Variants in ZNF804B observed in about 807,000 individuals in gnomAD.
ZNF804B encodes zinc finger 804B.
In ZNF804B, 80 loss-of-function variants were observed where a neutral mutation model predicts 101.4. The ratio of observed to expected loss-of-function variants is 0.79; its 90% CI spans 0.66 to 0.95. The LOEUF is 0.95. Among genes scored for constraint, ZNF804B ranks in the 40% least tolerant of loss-of-function variants. The pLI is 0.00. For missense variants in ZNF804B, 1,673 were observed against 1,561.9 expected (o/e 1.07, Z -1.20); for synonymous variants, 622 against 558.8 (o/e 1.11, Z -1.59).
At chr7:88,896,308 A>T (rs370917189) in intron 1 of ZNF804B, among the ~76,000 whole-genome samples, 20 of 152,308 alleles carry the variant, frequency 1.3e-4, no homozygotes, top group African/African-American at 4.6e-4. Flanking sequence ...ATATGGAAAA[A>T]TGGGTGAGAA....
intron 1 of ZNF804B, among the ~76,000 whole-genome samples, chr7:88,883,537 T>C (rs939730981): frequency 1.3e-5 from 2 of 152,044 alleles, no homozygotes; most frequent in Non-Finnish European, 2.9e-5. Flanking sequence ...CTAGCTTAAG[T>C]GGAGGTGACC....
Position 88,794,357 on chromosome 7 carries a change from G to A in ZNF804B, c.108+34273G>A, listed in dbSNP as rs760951078. 5 of 1,613,860 alleles carry A rather than the reference G, an allele frequency of 3.1e-6. No homozygotes were observed. In the East Asian group the frequency reaches 1.1e-4, roughly 36 times the overall value. ...GCAACTTGGTGTAAGTTATCGCCTG[G>A]TCCTTTAGTGCCTACTTTCATAGTC... On this transcript the variant is annotated intron_variant, in intron 1 of 3. Coordinates refer to ENST00000333190, the MANE Select transcript of ZNF804B (RefSeq NM_181646.5).
In ZNF804B at chr7:89,335,270, T is replaced by C; in HGVS notation, c.2288T>C (p.Phe763Ser). ...HKRKCLKHNC[F>S]YLSDDITKSS... ...CGGAAATGTCTAAAGCACAACTGCT[T>C]CTACTTGTCTGATGATATAACAAAG... The change falls in exon 4 of 4, where the codon TTC becomes TCC. Residue 763 changes from phenylalanine to serine, a missense_variant. By Grantham distance (155) the Phe-to-Ser change is radical. Transcript: ENST00000333190. 6.2e-7 allele frequency: 1 copy of C among 1,613,782 alleles called. No homozygotes were observed. The highest frequency in any genetic ancestry group is 8.5e-7 in the Non-Finnish European group (1 of 1,179,946).
At chr7:88,815,109 T>C (rs1790854921) in intron 1 of ZNF804B, among the ~76,000 whole-genome samples, 1 of 148,578 alleles carries the variant, frequency 6.7e-6, no homozygotes. Context: ...ATGTATATTC[T>C]CACATATATG....
intron 2 of ZNF804B, among the ~76,000 whole-genome samples, chr7:89,297,127 C>T (rs769781458): frequency 1.3e-5 from 2 of 151,972 alleles, no homozygotes; most frequent in Non-Finnish European, 2.9e-5. Flanking sequence ...TGTGTTCTGC[C>T]TGACCAGGTC....
chr7:88,830,464 G>T (rs1791115166), intron 1 of ZNF804B, among the ~76,000 whole-genome samples: 1 of 151,410 alleles, frequency 6.6e-6, no homozygotes, highest in Non-Finnish European at 1.5e-5. Flanking sequence ...CAACATATTG[G>T]GCTCCTATAT....
Position 89,220,161 on chromosome 7 carries a change from A to C in ZNF804B, c.249+1866A>C, listed in dbSNP as rs77885996. On this transcript the variant is annotated intron_variant, in intron 2 of 3. Coordinates refer to ENST00000333190, the MANE Select transcript of ZNF804B (RefSeq NM_181646.5). ...TATGTGTGTATATACATATATATAT[A>C]CGCACATATATATGTGTGTATATAT... Among the ~76,000 whole-genome samples the C allele has an allele frequency of 4.7e-4, 34 of 72,688 alleles. 8 individuals are homozygous for C. The highest frequency in any genetic ancestry group is 1.7e-3 in the African/African-American group (31 of 18,394). 47.7% of individuals were successfully genotyped at this position (72,688 alleles called of 152,430 possible).
At chr7:89,262,395 C>A (rs936217094) in intron 2 of ZNF804B, among the ~76,000 whole-genome samples, 3 of 152,078 alleles carry the variant, frequency 2.0e-5, no homozygotes, top group Non-Finnish European at 2.9e-5. Flanking sequence ...AGCCTCAGGT[C>A]CAATTCCTGG....
At chr7:88,851,402 G>A (rs6971283) in intron 1 of ZNF804B, among the ~76,000 whole-genome samples, 6,801 of 152,124 alleles carry the variant, frequency 0.045, 442 homozygotes, top group African/African-American at 0.14. Context: ...CACATTTTGG[G>A]AGAGAGGAAC....
chr7:89,333,705 C>T lies in ZNF804B; in HGVS notation c.723C>T (p.Asn241=). Residue 241 remains asparagine, a synonymous_variant, in exon 4 of 4, where the codon AAC becomes AAT. Transcript: ENST00000333190. ...LESSASVFSE[N]TEETHDCNKS... is the part of the protein sequence containing the mutation. ...CTTCAGCATCAGTTTTCAGTGAGAACACAGAAGAAACCCATGATTGTAACA... is the reference window on the plus strand; with the variant it reads ...CTTCAGCATCAGTTTTCAGTGAGAATACAGAAGAAACCCATGATTGTAACA... 6.2e-7 allele frequency: 1 copy of T among 1,613,462 alleles called. No individual in the cohort carries two copies. The highest frequency in any genetic ancestry group is 8.5e-7 in the Non-Finnish European group (1 of 1,179,722).
intron 1 of ZNF804B, among the ~76,000 whole-genome samples, chr7:89,209,458 A>T (rs1270281969): frequency 6.6e-6 from 1 of 152,226 alleles, no homozygotes; most frequent in East Asian, 1.9e-4. Context: ...ACAATTGATT[A>T]TGGTAAAATG....
intron 1 of ZNF804B, among the ~76,000 whole-genome samples, chr7:88,862,155 A>T (rs1320974299): frequency 6.6e-6 from 1 of 152,200 alleles, no homozygotes; most frequent in Non-Finnish European, 1.5e-5. Flanking sequence ...AGACTAAAGG[A>T]CATGTAGTAT....
intron 1 of ZNF804B, among the ~76,000 whole-genome samples, chr7:88,983,790 T>C (rs1277479893): frequency 6.6e-6 from 1 of 152,074 alleles, no homozygotes; most frequent in Non-Finnish European, 1.5e-5. Flanking sequence ...TTTCTGTTGA[T>C]TGGCACCGTT....
intron 2 of ZNF804B, among the ~76,000 whole-genome samples, chr7:89,301,390 A>G (rs1790472140): frequency 6.6e-6 from 1 of 151,680 alleles, no homozygotes; most frequent in African/African-American, 2.4e-5. Context: ...TTTCTCTTCC[A>G]AACTCACCCT....
intron 1 of ZNF804B, among the ~76,000 whole-genome samples, chr7:88,909,691 C>G (rs545979320): frequency 2.1e-4 from 32 of 151,730 alleles, no homozygotes; most frequent in African/African-American, 7.7e-4. Context: ...TATTTCCTAG[C>G]AATCAATTTA....
intron 1 of ZNF804B, among the ~76,000 whole-genome samples, chr7:88,814,706 C>A (rs914465584): frequency 6.6e-6 from 1 of 151,968 alleles, no homozygotes; most frequent in Admixed American, 6.6e-5. Context: ...GGAATAGATG[C>A]CAATGCCTAC....
intron 1 of ZNF804B, among the ~76,000 whole-genome samples, chr7:88,877,815 G>A (rs1791975189): frequency 6.6e-6 from 1 of 151,990 alleles, no homozygotes; most frequent in African/African-American, 2.4e-5. Flanking sequence ...CTCAGAACCA[G>A]AGCCAATATT....
chr7:89,018,818 A>G (rs1165802296), intron 1 of ZNF804B, among the ~76,000 whole-genome samples: 1 of 151,848 alleles, frequency 6.6e-6, no homozygotes, highest in Non-Finnish European at 1.5e-5. Context: ...AACCTCTTGC[A>G]CTCCTGTTCT....
At chr7:88,872,049 A>G (rs1465156052) in intron 1 of ZNF804B, among the ~76,000 whole-genome samples, 2 of 152,202 alleles carry the variant, frequency 1.3e-5, no homozygotes, top group Non-Finnish European at 2.9e-5. Flanking sequence ...ATGGATTTTC[A>G]TGGTGAACTG....
Sources: gnomAD v4.1 joint callset for allele counts (sites outside exome capture counted in the v4.1 genomes callset) on GRCh38, gnomAD v4.1.1 for gene constraint, MANE v1.5 for transcripts, NCBI Gene and HGNC (gene_info 2026-07-23, HGNC 2026-07-21) for gene names.